The following CYP2J2 variants were observed in gnomAD, a reference collection of about 807,000 sequenced individuals.
CYP2J2 encodes the protein cytochrome P450 2J2.
CYP2J2 carries 41 observed loss-of-function variants against 48.8 expected under a neutral mutation model. The observed-to-expected ratio is 0.84, with a 90% confidence interval of 0.66 to 1.09. The LOEUF is 1.09. Among genes scored for constraint, CYP2J2 ranks in the 50% least tolerant of loss-of-function variants. The pLI is 0.00. For missense variants in CYP2J2, 644 were observed against 617.3 expected (o/e 1.04, Z -0.46); for synonymous variants, 221 against 227.1 (o/e 0.97, Z 0.24).
chr1:59,936,062 T>C, the CYP2J2 span, among the ~76,000 whole-genome samples: 1 of 152,230 alleles, frequency 6.6e-6, no homozygotes, highest in Non-Finnish European at 1.5e-5. Flanking sequence ...CCACTGCGTC[T>C]GGCCCAGAAT....
chr1:59,968,538 C>A, the CYP2J2 span, among the ~76,000 whole-genome samples: 1 of 152,002 alleles, frequency 6.6e-6, no homozygotes, highest in South Asian at 2.1e-4. Flanking sequence ...CTGGCTCATA[C>A]TCCAGAAGAT....
intron 1 of CYP2J2, among the ~76,000 whole-genome samples, chr1:59,924,494 A>G (rs1574263254): frequency 6.6e-6 from 1 of 152,182 alleles, no homozygotes; most frequent in African/African-American, 2.4e-5. Flanking sequence ...ATATAGAGAT[A>G]ACACTTACAA....
At chr1:59,958,610 C>T in the CYP2J2 span, among the ~76,000 whole-genome samples, 6 of 152,206 alleles carry the variant, frequency 3.9e-5, no homozygotes, top group Non-Finnish European at 7.4e-5. Context: ...ATCGAGCTAG[C>T]TGTCTGCTGC....
At chr1:59,955,179 A>ATT in the CYP2J2 span, among the ~76,000 whole-genome samples, 1 of 149,434 alleles carries the variant, frequency 6.7e-6, no homozygotes, top group African/African-American at 2.4e-5. Context: ...ATAATTAAAA[A>ATT]AATAAAAAAT....
At chr1:59,902,314 G>A (rs1193616225) in intron 7 of CYP2J2, among the ~76,000 whole-genome samples, 1 of 152,094 alleles carries the variant, frequency 6.6e-6, no homozygotes, top group African/African-American at 2.4e-5. Flanking sequence ...GGGTTGTTTT[G>A]CCAGACCTGA....
intron 8 of CYP2J2, among the ~76,000 whole-genome samples, chr1:59,894,371 C>T (rs1379449126): frequency 6.6e-6 from 1 of 152,174 alleles, no homozygotes; most frequent in East Asian, 1.9e-4. Context: ...CTTTGGCCTT[C>T]CTCCTTCAGT....
At chr1:59,954,591 G>T in the CYP2J2 span, among the ~76,000 whole-genome samples, 3 of 147,856 alleles carry the variant, frequency 2.0e-5, no homozygotes, top group Non-Finnish European at 4.5e-5. Flanking sequence ...GGTGGGTCGG[G>T]GGGGGATGCA....
At chr1:59,947,263 C>T in the CYP2J2 span, among the ~76,000 whole-genome samples, 2 of 152,276 alleles carry the variant, frequency 1.3e-5, no homozygotes, top group South Asian at 4.1e-4. Flanking sequence ...TGCCAAATCC[C>T]ATGGAATGTC....
intron 4 of CYP2J2, among the ~76,000 whole-genome samples, chr1:59,910,938 G>A (rs1644408869): frequency 6.6e-6 from 1 of 152,206 alleles, no homozygotes; most frequent in Non-Finnish European, 1.5e-5. Flanking sequence ...GGAATTAGAA[G>A]ATTGATGATA....
At chr1:59,953,000 T>C in the CYP2J2 span, among the ~76,000 whole-genome samples, 5 of 152,094 alleles carry the variant, frequency 3.3e-5, no homozygotes, top group African/African-American at 1.2e-4. Flanking sequence ...AATGCAAACA[T>C]ATGTAGTCAG....
chr1:59,952,944 A>G, the CYP2J2 span, among the ~76,000 whole-genome samples: 1 of 152,186 alleles, frequency 6.6e-6, no homozygotes, highest in Non-Finnish European at 1.5e-5. Context: ...TCAGGTACAC[A>G]GTAAGTAAGG....
intron 8 of CYP2J2, 30 bp downstream of exon 8, chr1:59,900,935 A>G (rs1363491882): frequency 2.5e-6 from 4 of 1,602,324 alleles, no homozygotes; most frequent in African/African-American, 1.3e-5. Flanking sequence ...GGGGCCCTGG[A>G]CTCCCACACA....
chr1:59,944,513 G>T, the CYP2J2 span, among the ~76,000 whole-genome samples: 1 of 152,336 alleles, frequency 6.6e-6, no homozygotes, highest in African/African-American at 2.4e-5. Flanking sequence ...ATGAGCCACT[G>T]TGCCTGGCCT....
chr1:59,968,582 G>A, the CYP2J2 span, among the ~76,000 whole-genome samples: 3 of 152,150 alleles, frequency 2.0e-5, no homozygotes, highest in African/African-American at 7.2e-5. Flanking sequence ...CAGAGTATGG[G>A]GCATCCCAGT....
chr1:59,927,087 T>G (rs1398945981), upstream of CYP2J2, among the ~76,000 whole-genome samples: 2 of 152,234 alleles, frequency 1.3e-5, no homozygotes, highest in Non-Finnish European at 2.9e-5. Flanking sequence ...TTTCTTGGGC[T>G]CTTACTATAT....
the CYP2J2 span, among the ~76,000 whole-genome samples, chr1:59,933,640 T>C: frequency 6.6e-6 from 1 of 152,160 alleles, no homozygotes; most frequent in African/African-American, 2.4e-5. Context: ...TGAACAGAGA[T>C]AATTTACTTC....
At chr1:59,902,586 T>A (rs980424336) in intron 7 of CYP2J2, among the ~76,000 whole-genome samples, 3 of 152,068 alleles carry the variant, frequency 2.0e-5, no homozygotes, top group Admixed American at 2.0e-4. Flanking sequence ...TGGCTAGTTT[T>A]TATATTTTTA....
At chr1:59,917,865 C>T (rs1644480719) in intron 1 of CYP2J2, among the ~76,000 whole-genome samples, 1 of 152,160 alleles carries the variant, frequency 6.6e-6, no homozygotes, top group Non-Finnish European at 1.5e-5. Flanking sequence ...TGTTTGTGGC[C>T]TCTTCTCCAC....
intron 3 of CYP2J2, 96 bp from the exon 4 acceptor site, chr1:59,911,864 G>A: frequency 8.1e-7 from 1 of 1,239,664 alleles, no homozygotes. Flanking sequence ...CATACCTAGT[G>A]CAGAACCATA....
Sources: allele counts gnomAD v4.1 joint callset (sites outside exome capture counted in the v4.1 genomes callset), GRCh38; gene constraint gnomAD v4.1.1; transcripts MANE v1.5; gene names NCBI Gene and HGNC (gene_info 2026-07-23, HGNC 2026-07-21).